Variants in DAAM2 observed in about 807,000 individuals in gnomAD.
The protein encoded by DAAM2 is disheveled-associated activator of morphogenesis 2.
A neutral mutation model predicts 120.7 loss-of-function variants in DAAM2; 39 were observed. That is an observed-to-expected ratio of 0.32 (90% CI 0.25 to 0.42). The LOEUF is 0.42. Ranked by LOEUF, DAAM2 falls within the 10% of genes least tolerant of loss-of-function variation. The pLI, the probability that DAAM2 is intolerant of heterozygous loss-of-function variation, is 1.00. For missense variants in DAAM2, 1,283 were observed against 1,401.7 expected (o/e 0.92, Z 1.35); for synonymous variants, 488 against 524.9 (o/e 0.93, Z 0.96).
intron 8 of DAAM2, 65 bp from the exon 9 acceptor site, chr6:39,871,441 A>T: frequency 6.9e-7 from 1 of 1,448,548 alleles, no homozygotes; most frequent in Non-Finnish European, 9.5e-7. Context: ...AAGGGGCTGT[A>T]ACCCTCAACC....
At chr6:39,864,631 C>A in intron 4 of DAAM2, 124 bp downstream of exon 4, 1 of 736,008 alleles carries the variant, frequency 1.4e-6, no homozygotes, top group Non-Finnish European at 2.2e-6. Context: ...CCCCACTGCC[C>A]ACTCACTGGA....
intron 1 of DAAM2, 100 bp from the exon 2 acceptor site, chr6:39,856,147 C>T (rs1763992478): frequency 3.9e-6 from 5 of 1,268,998 alleles, no homozygotes; most frequent in Non-Finnish European, 5.0e-6. Context: ...TTGAGGGCTC[C>T]CAGCAACCTG....
rs771985367 is a variant in DAAM2, at chr6:39,867,622, A to G, written c.541A>G (p.Ile181Val). The G allele has an allele frequency of 6.2e-7, 1 of 1,614,056 alleles. No individual in the cohort carries two copies. Among genetic ancestry groups the G allele is most frequent in the South Asian group, 1.1e-5 (1 of 91,086 alleles). Residue 181 changes from isoleucine to valine, a missense_variant, in exon 6 of 25, where the codon ATC becomes GTC. Coordinates refer to ENST00000274867, the MANE Select transcript of DAAM2 (RefSeq NM_001201427.2). ...CATCCACACCTCACTCATTGGCTGC[A>G]TCAAAGCATTGATGAACAACTCCCA... ...SRIHTSLIGC[I>V]KALMNNSQGR...
Position 39,878,064 on chromosome 6 carries a change from T to G in DAAM2, c.1302-139T>G. The G allele has an allele frequency of 2.4e-6, 2 of 830,694 alleles. No homozygotes were observed. The highest frequency in any genetic ancestry group is 3.8e-6 in the Non-Finnish European group (2 of 529,752). The allele number at this position is 830,694 out of a possible 1,614,324, so 51.5% of individuals were successfully genotyped here. A position where few individuals can be genotyped will look rare whatever the true frequency, so the allele number is the denominator to read the frequency against. On this transcript the variant is annotated intron_variant, in intron 11 of 24. Coordinates refer to ENST00000274867, the MANE Select transcript of DAAM2 (RefSeq NM_001201427.2). This position sits in a 1 kb window ranked among gnomAD's most constrained non-coding sequence, Gnocchi z 5.0. ...GACCTGGAGAGACACCTGGGAAGTC[T>G]AAATCCTAGCCCCCTTGATGTGGCT...
intron 1 of DAAM2, among the ~76,000 whole-genome samples, chr6:39,807,846 A>T (rs1028963431): frequency 1.3e-5 from 2 of 152,152 alleles, no homozygotes; most frequent in Admixed American, 1.3e-4. Context: ...TTTTTTAGAT[A>T]TCTAAAATAT....
At position 39,901,714 on chromosome 6, in the gene DAAM2, G is replaced by C. The variant is rs753940963; in HGVS notation, c.2983-99G>C. ...TGGGGCCAACAGATACAGGCAGGCA[G>C]CATGACCATGGCCTAGGAGTTAGCC... On this transcript the variant is annotated intron_variant, in intron 24 of 24. Transcript: ENST00000274867. This position sits in a 1 kb window ranked among gnomAD's most constrained non-coding sequence, Gnocchi z 4.5. The C allele has an allele frequency of 8.5e-7, 1 of 1,179,480 alleles. No homozygotes were observed. The highest frequency in any genetic ancestry group is 1.2e-6 in the Non-Finnish European group (1 of 863,994). The allele number at this position is 1,179,480 out of a possible 1,614,324, so 73.1% of individuals were successfully genotyped here.
At chr6:39,815,651 T>TACACACACAC (rs56736428) in intron 1 of DAAM2, among the ~76,000 whole-genome samples, 2,033 of 149,038 alleles carry the variant, frequency 0.014, 34 homozygotes, top group African/African-American at 0.033. Context: ...ACCCCTGGTT[T>TACACACACAC]ACACACACAC....
intron 15 of DAAM2, chr6:39,886,165 G>A: frequency 2.7e-6 from 1 of 371,028 alleles, no homozygotes; most frequent in Non-Finnish European, 4.8e-6. Flanking sequence ...GGGGAGTGGT[G>A]GTCGCACTAG....
At chr6:39,793,441 CTT>C (rs1422240064) in intron 1 of DAAM2, among the ~76,000 whole-genome samples, 1 of 151,858 alleles carries the variant, frequency 6.6e-6, no homozygotes, top group South Asian at 2.1e-4. Flanking sequence ...TGATTTAACT[CTT>C]CTCTCTCTGC....
rs537461717 is a variant in DAAM2, at chr6:39,870,564, G to C, written c.977+121G>C. On this transcript the variant is annotated intron_variant, in intron 8 of 24. Coordinates refer to ENST00000274867, the MANE Select transcript of DAAM2 (RefSeq NM_001201427.2). ...GAGACCAGCTGCCATTCCCAGCGCA[G>C]ATTCAGAATCAGCTCTGTGGGGGGA... 4.4e-6 allele frequency: 3 copies of C among 687,132 alleles called. No individual in the cohort carries two copies. In the African/African-American group the frequency reaches 5.3e-5, roughly 12 times the overall value. 42.6% of individuals were successfully genotyped at this position (687,132 alleles called of 1,614,324 possible).
At chr6:39,879,601 C>G (rs747422967) in intron 14 of DAAM2, 124 bp downstream of exon 14, 1 of 1,303,372 alleles carries the variant, frequency 7.7e-7, no homozygotes, top group African/African-American at 1.4e-5. Flanking sequence ...GGGGTAAGGG[C>G]AGTCATGTGG....
At chr6:39,845,281 C>T (rs1763527960) in intron 1 of DAAM2, among the ~76,000 whole-genome samples, 1 of 34,778 alleles carries the variant, frequency 2.9e-5, no homozygotes, top group African/African-American at 1.2e-4. Context: ...ATACACAAAC[C>T]CCATCTATAC....
chr6:39,869,728 C>T (rs1302393293), intron 7 of DAAM2, among the ~76,000 whole-genome samples: 7 of 138,226 alleles, frequency 5.1e-5, no homozygotes, highest in Admixed American at 7.2e-5. Context: ...ATGATCTTTA[C>T]TTTCCCCTCT....
chr6:39,839,024 T>TC (rs1299822855), intron 1 of DAAM2, among the ~76,000 whole-genome samples: 1 of 151,810 alleles, frequency 6.6e-6, no homozygotes, highest in African/African-American at 2.4e-5. Flanking sequence ...ACCCTAGTGG[T>TC]CCCCCCTCTC....
At chr6:39,865,322 G>A (rs1344131142) in intron 5 of DAAM2, among the ~76,000 whole-genome samples, 1 of 152,240 alleles carries the variant, frequency 6.6e-6, no homozygotes, top group East Asian at 1.9e-4. Flanking sequence ...GGAATCGAGG[G>A]CAAGTGCTTT....
chr6:39,795,464 T>C (rs1475109448), intron 1 of DAAM2, among the ~76,000 whole-genome samples: 1 of 152,216 alleles, frequency 6.6e-6, no homozygotes, highest in Admixed American at 6.5e-5. Context: ...GCTACATGAC[T>C]TATTCCTTCT....
chr6:39,891,090 TAA>T (rs11321886), intron 17 of DAAM2, among the ~76,000 whole-genome samples: 4 of 138,616 alleles, frequency 2.9e-5, no homozygotes, highest in East Asian at 4.2e-4. Flanking sequence ...GAGACCCTAT[TAA>T]AAAAAAAAAA....
At chr6:39,806,671 A>C (rs544088140) in intron 1 of DAAM2, among the ~76,000 whole-genome samples, 1 of 152,296 alleles carries the variant, frequency 6.6e-6, no homozygotes, top group South Asian at 2.1e-4. Flanking sequence ...CCAGTGAGGA[A>C]TTAAAATAAA....
At chr6:39,816,104 T>C (rs961163356) in intron 1 of DAAM2, among the ~76,000 whole-genome samples, 26 of 152,264 alleles carry the variant, frequency 1.7e-4, no homozygotes, top group Admixed American at 3.9e-4. Flanking sequence ...GTGATAGTTT[T>C]GGTTTTTCTC....
Sources: allele counts gnomAD v4.1 joint callset (sites outside exome capture counted in the v4.1 genomes callset), GRCh38; gene constraint gnomAD v4.1.1; non-coding constraint Gnocchi (gnomAD v3.1); transcripts MANE v1.5; gene names NCBI Gene and HGNC (gene_info 2026-07-23, HGNC 2026-07-21).